GLI2: variants seen among roughly 807,000 people sequenced by gnomAD.
The protein encoded by GLI2 is GLI family zinc finger 2.
Under a neutral mutation model 78.9 loss-of-function variants are expected in GLI2, and 22 were observed. The ratio of observed to expected loss-of-function variants is 0.28; its 90% confidence interval spans 0.20 to 0.40. The LOEUF (loss-of-function observed/expected upper bound fraction) is 0.40. GLI2 is among the 10% of genes least tolerant of loss of function. GLI2 has a pLI of 1.00. For missense variants in GLI2, 2,097 were observed against 2,213.2 expected (o/e 0.95, Z 1.05); for synonymous variants, 974 against 963.7 (o/e 1.01, Z -0.20).
chr2:120,777,563 T>G (rs10181299), intron 1 of GLI2, among the ~76,000 whole-genome samples: 85,926 of 149,292 alleles, frequency 0.58, 27,356 homozygotes, highest in African/African-American at 0.88. Flanking sequence ...AGGAAAGCTT[T>G]GGGGGGTCTC....
At chr2:120,789,391 C>T (rs1383376040) in intron 1 of GLI2, among the ~76,000 whole-genome samples, 1 of 151,934 alleles carries the variant, frequency 6.6e-6, no homozygotes, top group Non-Finnish European at 1.5e-5. Flanking sequence ...AAGGGCTTCT[C>T]CCTCCCTTTG....
At chr2:120,916,366 T>C (rs1340945776) in intron 2 of GLI2, among the ~76,000 whole-genome samples, 2 of 152,250 alleles carry the variant, frequency 1.3e-5, no homozygotes, top group African/African-American at 2.4e-5. Context: ...TTGGGCATCC[T>C]GGGCTCACTG....
intron 1 of GLI2, among the ~76,000 whole-genome samples, chr2:120,754,394 A>T (rs893733071): frequency 1.3e-5 from 2 of 152,156 alleles, no homozygotes; most frequent in African/African-American, 2.4e-5. Context: ...GGACATATCC[A>T]TCATCCGCAG....
intron 2 of GLI2, among the ~76,000 whole-genome samples, chr2:120,865,785 CAGAT>C (rs1319527894): frequency 6.6e-6 from 1 of 152,226 alleles, no homozygotes; most frequent in Non-Finnish European, 1.5e-5. Flanking sequence ...ATGCGGTGCT[CAGAT>C]AGTGCCAGCC....
rs554388451 is a variant in GLI2 at position 120,966,337 on chromosome 2, G to A, written c.644-2377G>A. ...GGTAAAACAATTTGCCCCAAGTCAT[G>A]CAGCTGACTTATGGCTCCAGCCCAG... On this transcript the variant is annotated intron_variant, in intron 5 of 13. Transcript: ENST00000361492. 5.9e-5 allele frequency among the ~76,000 whole-genome samples: 9 copies of A among 152,282 alleles called. No individual in the cohort carries two copies. In the East Asian group the frequency reaches 1.7e-3, roughly 29 times the overall value.
intron 2 of GLI2, among the ~76,000 whole-genome samples, chr2:120,851,824 G>A (rs1303153278): frequency 6.6e-6 from 1 of 152,240 alleles, no homozygotes; most frequent in African/African-American, 2.4e-5. Context: ...GTGCTATGAA[G>A]AAAATAGAGT....
Position 120,990,151 on chromosome 2 carries a change from G to T in GLI2, c.4186G>T (p.Ala1396Ser), listed in dbSNP as rs1241706432. Residue 1396 changes from alanine (A) to serine (S), a missense_variant, in exon 14 of 14, where the codon GCA becomes TCA. Around this residue, in one of 5 missense-constraint regions of GLI2, gnomAD observed 1,290 missense variants for 1,261.7 expected, o/e 1.02. Transcript: ENST00000361492. ...TGCCATGCCGTCCAGTCAGGAAACA[G>T]CAGAGGCTGTGCCCAAGGGAGCGAT... ...MAAMPSSQET[A>S]EAVPKGAMGN... The T allele has an allele frequency of 1.2e-6, 2 of 1,611,320 alleles. No individual in the cohort carries two copies. The highest frequency in any genetic ancestry group is 1.7e-6 in the Non-Finnish European group (2 of 1,178,544).
At chr2:120,812,941 G>A (rs888772586) in intron 2 of GLI2, among the ~76,000 whole-genome samples, 1 of 152,198 alleles carries the variant, frequency 6.6e-6, no homozygotes, top group African/African-American at 2.4e-5. Context: ...TGAAGAAGGC[G>A]GGGACACCTG....
At chr2:120,909,831 C>G (rs1425114869) in intron 2 of GLI2, among the ~76,000 whole-genome samples, 1 of 152,170 alleles carries the variant, frequency 6.6e-6, no homozygotes, top group Non-Finnish European at 1.5e-5. Flanking sequence ...CGCCACTGCA[C>G]TCCGGCCTGG....
chr2:120,782,046 ATCT>A (rs1233974393), intron 1 of GLI2, among the ~76,000 whole-genome samples: 1 of 152,150 alleles, frequency 6.6e-6, no homozygotes, highest in Non-Finnish European at 1.5e-5. Context: ...CTTACGTGTG[ATCT>A]TAAACATTTC....
intron 1 of GLI2, among the ~76,000 whole-genome samples, chr2:120,759,222 C>A (rs1321904611): frequency 6.6e-6 from 1 of 152,186 alleles, no homozygotes; most frequent in Non-Finnish European, 1.5e-5. Context: ...GGCAAGCAAG[C>A]ACTTCTGCCG....
intron 2 of GLI2, among the ~76,000 whole-genome samples, chr2:120,864,916 G>T (rs569300720): frequency 6.6e-6 from 1 of 152,192 alleles, no homozygotes; most frequent in African/African-American, 2.4e-5. Context: ...TTGGGAAGGG[G>T]TCTCTCTGGA....
chr2:120,965,861 AAAG>A (rs1217099806), intron 5 of GLI2, among the ~76,000 whole-genome samples: 6 of 152,178 alleles, frequency 3.9e-5, no homozygotes, highest in African/African-American at 7.2e-5. Context: ...GCTGTAAGAG[AAAG>A]AAGGAGTTGT....
At chr2:120,977,843 G>A (rs1041334784) in intron 9 of GLI2, among the ~76,000 whole-genome samples, 1 of 152,210 alleles carries the variant, frequency 6.6e-6, no homozygotes, top group Non-Finnish European at 1.5e-5. Flanking sequence ...AACTCTCTGT[G>A]CCTTTGTGGA....
At chr2:120,809,778 A>G (rs1685147328) in intron 2 of GLI2, among the ~76,000 whole-genome samples, 1 of 152,154 alleles carries the variant, frequency 6.6e-6, no homozygotes, top group Non-Finnish European at 1.5e-5. Context: ...CTGAAGTGGA[A>G]GGGGGATGTT....
chr2:120,920,331 G>A (rs952064861), intron 2 of GLI2, among the ~76,000 whole-genome samples: 2 of 152,228 alleles, frequency 1.3e-5, no homozygotes, highest in South Asian at 2.1e-4. Flanking sequence ...GAATTCCTCC[G>A]GCTGCTGATG....
chr2:120,830,567 C>T (rs1184992312), intron 2 of GLI2, among the ~76,000 whole-genome samples: 1 of 152,238 alleles, frequency 6.6e-6, no homozygotes, highest in Non-Finnish European at 1.5e-5. Flanking sequence ...TAATGTGTTC[C>T]CCAAACAGCA....
intron 5 of GLI2, among the ~76,000 whole-genome samples, chr2:120,958,426 C>T (rs1322171472): frequency 3.3e-5 from 5 of 152,144 alleles, no homozygotes; most frequent in Non-Finnish European, 7.4e-5. Context: ...TGCCATCTCC[C>T]ATCCATCCCA....
At chr2:120,807,446 T>C (rs1558807077) in intron 2 of GLI2, among the ~76,000 whole-genome samples, 1 of 152,278 alleles carries the variant, frequency 6.6e-6, no homozygotes, top group African/African-American at 2.4e-5. Flanking sequence ...TTGCTCTTAT[T>C]ATGATTCTTA....
Sources: allele counts gnomAD v4.1 joint callset (sites outside exome capture counted in the v4.1 genomes callset), GRCh38; gene constraint gnomAD v4.1.1; regional missense constraint gnomAD v4.1.1; transcripts MANE v1.5; gene names NCBI Gene and HGNC (gene_info 2026-07-23, HGNC 2026-07-21).